Variants in GLIS3 observed in about 807,000 individuals in gnomAD.
GLIS3 encodes the protein GLIS family zinc finger 3.
In GLIS3, 53 loss-of-function variants were observed where a neutral mutation model predicts 78.6. The ratio of observed to expected loss-of-function variants is 0.67; its 90% CI spans 0.54 to 0.85. The LOEUF is 0.85. Ranked by LOEUF, GLIS3 falls within the 40% of genes least tolerant of loss-of-function variation. The pLI is 0.00. For missense variants in GLIS3, 1,703 were observed against 1,231.1 expected, an observed-to-expected ratio of 1.38 and a Z score of -5.74; for synonymous variants, 684 against 509.9, an observed-to-expected ratio of 1.34 and a Z score of -4.60.
intron 7 of GLIS3, among the ~76,000 whole-genome samples, chr9:3,883,237 A>C (rs1268930379): frequency 6.6e-6 from 1 of 152,098 alleles, no homozygotes; most frequent in African/African-American, 2.4e-5. Context: ...ACAGTCATGC[A>C]TCCAGAATTC....
At chr9:3,938,450 C>T (rs1826019870) in intron 4 of GLIS3, among the ~76,000 whole-genome samples, 1 of 152,022 alleles carries the variant, frequency 6.6e-6, no homozygotes, top group South Asian at 2.1e-4. Context: ...TGGTAGAGGA[C>T]ATTGTTCACA....
chr9:4,454,557 G>C, the GLIS3 span, among the ~76,000 whole-genome samples: 1 of 152,174 alleles, frequency 6.6e-6, no homozygotes, highest in Admixed American at 6.5e-5. Context: ...AGTATGCGAG[G>C]GAGGATGAAA....
At chr9:4,148,171 C>G (rs1461272543) in intron 2 of GLIS3, among the ~76,000 whole-genome samples, 1 of 152,112 alleles carries the variant, frequency 6.6e-6, no homozygotes, top group Non-Finnish European at 1.5e-5. Flanking sequence ...AATCCCTCCC[C>G]CCTTTTTCTT....
chr9:4,446,000 T>A, the GLIS3 span, among the ~76,000 whole-genome samples: 1 of 152,220 alleles, frequency 6.6e-6, no homozygotes, highest in Non-Finnish European at 1.5e-5. Context: ...AATTTTAGAT[T>A]TTTTTAATAT....
intron 4 of GLIS3, among the ~76,000 whole-genome samples, chr9:4,035,506 C>G (rs577238113): frequency 1.3e-5 from 2 of 151,806 alleles, no homozygotes; most frequent in Non-Finnish European, 2.9e-5. Flanking sequence ...ACTTTAGCTC[C>G]CATGGATTCT....
chr9:3,932,667 A>C (rs1825689927), intron 5 of GLIS3, 197 bp from the exon 6 acceptor site: 1 of 540,106 alleles, frequency 1.9e-6, no homozygotes, highest in East Asian at 3.5e-5. Flanking sequence ...TAAACTTTCA[A>C]GGAACAAAGA....
chr9:4,354,728 T>G, the GLIS3 span, among the ~76,000 whole-genome samples: 1 of 152,116 alleles, frequency 6.6e-6, no homozygotes, highest in Non-Finnish European at 1.5e-5. Flanking sequence ...CTGAGCTCCT[T>G]GATCAGATGA....
At chr9:4,250,381 A>G (rs1824250102) in intron 2 of GLIS3, among the ~76,000 whole-genome samples, 2 of 152,254 alleles carry the variant, frequency 1.3e-5, no homozygotes, top group East Asian at 3.9e-4. Context: ...CATTTCTTCT[A>G]GATTTTCTAC....
intron 2 of GLIS3, among the ~76,000 whole-genome samples, chr9:4,189,196 G>A (rs1209875046): frequency 6.6e-6 from 1 of 151,720 alleles, no homozygotes; most frequent in Non-Finnish European, 1.5e-5. Context: ...GGTATGTTGT[G>A]TCTTTGTTCT....
chr9:4,249,145 G>GT (rs1320415767), intron 2 of GLIS3, among the ~76,000 whole-genome samples: 1 of 152,120 alleles, frequency 6.6e-6, no homozygotes, highest in African/African-American at 2.4e-5. Context: ...ATTTAAAGCA[G>GT]TTTTTTCTAA....
Position 4,118,444 on chromosome 9 carries a change from G to A in GLIS3, c.1034C>T (p.Pro345Leu), listed in dbSNP as rs1166009392. Residue 345 changes from proline (P) to leucine (L), a missense_variant, in exon 4 of 11, where the codon CCG (proline) becomes CTG (leucine). Physicochemically the swap from Pro to Leu is moderately conservative, Grantham distance 98. Transcript: ENST00000381971. This position sits in a 1 kb window ranked among gnomAD's most constrained non-coding sequence, Gnocchi z 4.7. The stretch of plus-strand genomic sequence containing the variant: ...GCCCAGGAAATGCCCGTAGACCTCC[G>A]GCTGCGGGGACAGGTTGGCCGGCGA... ...RASPANLSPQPEVYGHFLGVR... is the reference protein window; with the variant it reads ...RASPANLSPQLEVYGHFLGVR... The A allele has an allele frequency of 1.5e-5, 24 of 1,612,830 alleles. No homozygotes were observed. Among genetic ancestry groups the A allele is most frequent in the African/African-American group, 4.0e-5 (3 of 75,070 alleles).
chr9:3,863,781 T>A (rs879635171), intron 8 of GLIS3, among the ~76,000 whole-genome samples: 10 of 152,044 alleles, frequency 6.6e-5, no homozygotes. Context: ...AGGGAGCGAG[T>A]TGTAAGTCAA....
At chr9:4,423,076 T>A in the GLIS3 span, among the ~76,000 whole-genome samples, 4 of 152,166 alleles carry the variant, frequency 2.6e-5, no homozygotes, top group East Asian at 7.7e-4. Context: ...CCTGAGTATA[T>A]GCCTCCATAG....
chr9:3,968,693 A>G (rs1366091329), intron 4 of GLIS3, among the ~76,000 whole-genome samples: 1 of 152,198 alleles, frequency 6.6e-6, no homozygotes, highest in Admixed American at 6.5e-5. Context: ...AGGAAACTAC[A>G]TAAATGATAG....
intron 2 of GLIS3, among the ~76,000 whole-genome samples, chr9:4,230,394 C>G (rs1587063359): frequency 6.6e-6 from 1 of 152,298 alleles, no homozygotes; most frequent in South Asian, 2.1e-4. Context: ...GGAAGGGAGT[C>G]TGGCTCACTC....
intron 4 of GLIS3, among the ~76,000 whole-genome samples, chr9:4,084,296 A>ACAC: frequency 4.1e-5 from 2 of 48,786 alleles, no homozygotes; most frequent in African/African-American, 1.1e-4. Flanking sequence ...CACACACACA[A>ACAC]ATTCCTAGCC....
At chr9:4,181,028 G>C (rs1331496472) in intron 2 of GLIS3, among the ~76,000 whole-genome samples, 1 of 152,196 alleles carries the variant, frequency 6.6e-6, no homozygotes, top group Non-Finnish European at 1.5e-5. Flanking sequence ...GTCCACCTCA[G>C]ACAGGTAAGA....
At chr9:3,959,931 C>A (rs1156861685) in intron 4 of GLIS3, among the ~76,000 whole-genome samples, 1 of 152,148 alleles carries the variant, frequency 6.6e-6, no homozygotes, top group Non-Finnish European at 1.5e-5. Flanking sequence ...GCAGGCGGAC[C>A]ACCTGAGGTC....
At chr9:4,338,741 C>T (rs1817791791) in intron 2 of GLIS3, among the ~76,000 whole-genome samples, 1 of 152,062 alleles carries the variant, frequency 6.6e-6, no homozygotes, top group Non-Finnish European at 1.5e-5. Flanking sequence ...GAAGGAGCTG[C>T]AAGTAGAAAG....
Sources: gnomAD v4.1 joint callset for allele counts (sites outside exome capture counted in the v4.1 genomes callset) on GRCh38, gnomAD v4.1.1 for gene constraint, Gnocchi (gnomAD v3.1) non-coding constraint, MANE v1.5 for transcripts, NCBI Gene and HGNC (gene_info 2026-07-23, HGNC 2026-07-21) for gene names.